The following PCDHA2 variants were observed in gnomAD, a reference collection of about 807,000 sequenced individuals.
PCDHA2 encodes the protein protocadherin alpha-2.
A neutral mutation model predicts 66.0 loss-of-function variants in PCDHA2; 58 were observed. That is an observed-to-expected ratio of 0.88 (90% CI 0.71 to 1.09). The LOEUF (loss-of-function observed/expected upper bound fraction) is 1.09. PCDHA2 is among the 50% of genes least tolerant of loss of function. PCDHA2 has a pLI of 0.00. For synonymous variants in PCDHA2, 634 were observed against 554.0 expected (o/e 1.14, Z -2.03); for missense variants, 1,267 against 1,242.3 (o/e 1.02, Z -0.30).
chr5:140,857,980 G>A (rs2045073152), intron 1 of PCDHA2: 1 of 1,597,100 alleles, frequency 6.3e-7, no homozygotes, highest in Non-Finnish European at 8.6e-7. Context: ...CGCCACGCCA[G>A]CGCCTACTGG....
At chr5:140,871,412 C>T (rs891491030) in intron 1 of PCDHA2, 2 of 1,613,976 alleles carry the variant, frequency 1.2e-6, no homozygotes, top group Non-Finnish European at 1.7e-6. Flanking sequence ...GACCTCATGG[C>T]CTTCAGCCCC....
chr5:140,892,012 G>A (rs1032416226), intron 1 of PCDHA2, among the ~76,000 whole-genome samples: 9 of 152,176 alleles, frequency 5.9e-5, no homozygotes, highest in Admixed American at 5.9e-4. Context: ...TGTTATAGCA[G>A]CACAAATGGT....
chr5:140,927,632 C>G (rs2084445013), intron 1 of PCDHA2: 2 of 1,614,142 alleles, frequency 1.2e-6, no homozygotes, highest in Non-Finnish European at 1.7e-6. Context: ...GAGACTGCAC[C>G]CAATGGGACT....
intron 1 of PCDHA2, among the ~76,000 whole-genome samples, chr5:140,961,451 T>C (rs1307588711): frequency 1.3e-5 from 2 of 152,238 alleles, no homozygotes; most frequent in Non-Finnish European, 2.9e-5. Context: ...TACACTGTCT[T>C]GCAGCTGCCT....
intron 1 of PCDHA2, among the ~76,000 whole-genome samples, chr5:140,879,556 A>G (rs2058036538): frequency 6.6e-6 from 1 of 152,240 alleles, no homozygotes; most frequent in South Asian, 2.1e-4. Context: ...AAAATAATCC[A>G]TGAAAGAATA....
intron 1 of PCDHA2, chr5:140,836,072 G>A (rs2150252005): frequency 6.2e-7 from 1 of 1,613,664 alleles, no homozygotes; most frequent in Non-Finnish European, 8.5e-7. Context: ...ACAACGCGCC[G>A]GCACTGCTGG....
At chr5:140,856,096 GCTT>G (rs782403061) in intron 1 of PCDHA2, 1 of 1,597,460 alleles carries the variant, frequency 6.3e-7, no homozygotes, top group South Asian at 1.1e-5. Flanking sequence ...TGCTGCTCTC[GCTT>G]CTTCTCCTCG....
chr5:140,971,123 G>A (rs1305525231), intron 1 of PCDHA2, among the ~76,000 whole-genome samples: 1 of 152,182 alleles, frequency 6.6e-6, no homozygotes, highest in Non-Finnish European at 1.5e-5. Context: ...GTGGGCTACA[G>A]GTGGTGAAGA....
chr5:140,926,917 TTA>T, intron 1 of PCDHA2: 3 of 1,565,668 alleles, frequency 1.9e-6, no homozygotes, highest in South Asian at 1.2e-5. Context: ...GGTGGCAGTT[TTA>T]TGTTTGTGGG....
rs140965227 is a variant in PCDHA2, at chr5:140,795,680, A to G, written c.716A>G (p.Glu239Gly). ...LIKVLDVNDN[E>G]PTFAQSVYKV... ...AAGGTATTAGATGTAAATGACAATGAACCAACTTTTGCCCAATCAGTTTAC... is the reference window on the plus strand; with the variant it reads ...AAGGTATTAGATGTAAATGACAATGGACCAACTTTTGCCCAATCAGTTTAC... Residue 239 changes from glutamate to glycine, a missense_variant, in exon 1 of 4, where the codon GAA (glutamate) becomes GGA (glycine). Glu to Gly is a moderately conservative substitution (Grantham distance 98). Transcript: ENST00000526136. The G allele has an allele frequency of 9.3e-6, 15 of 1,614,044 alleles. No individual in the cohort carries two copies. The highest frequency in any genetic ancestry group is 1.3e-5 in the Non-Finnish European group (15 of 1,180,022).
intron 1 of PCDHA2, chr5:140,866,746 G>A (rs1264233885): frequency 6.6e-6 from 1 of 152,118 alleles, no homozygotes; most frequent in Admixed American, 6.5e-5. Flanking sequence ...ATACTTATAT[G>A]ACTAACAGGA....
At chr5:140,977,097 G>T (rs988046010) in intron 1 of PCDHA2, among the ~76,000 whole-genome samples, 2 of 152,222 alleles carry the variant, frequency 1.3e-5, no homozygotes, top group African/African-American at 4.8e-5. Flanking sequence ...GTGTCATTGG[G>T]GAAGTGAGAT....
At chr5:140,829,112 T>A (rs2150162678) in intron 1 of PCDHA2, 31 of 1,612,052 alleles carry the variant, frequency 1.9e-5, no homozygotes, top group Non-Finnish European at 1.7e-6. Context: ...AGTGAGAATT[T>A]TGGATAAAAA....
intron 3 of PCDHA2, among the ~76,000 whole-genome samples, chr5:141,008,684 G>A (rs1426948038): frequency 2.0e-5 from 3 of 152,236 alleles, no homozygotes; most frequent in South Asian, 4.2e-4. Flanking sequence ...TTTAGTTATT[G>A]CATGTATTAA....
chr5:140,870,823 G>A (rs971082881), intron 1 of PCDHA2: 1 of 1,613,762 alleles, frequency 6.2e-7, no homozygotes, highest in Non-Finnish European at 8.5e-7. Flanking sequence ...CAGCGCGGGA[G>A]GCGCAGTTAA....
chr5:140,836,804 T>C, intron 1 of PCDHA2: 1 of 1,321,042 alleles, frequency 7.6e-7, no homozygotes, highest in East Asian at 2.4e-5. Flanking sequence ...CTCCTTAAAT[T>C]TTCTTTCATA....
intron 1 of PCDHA2, chr5:140,881,964 A>G (rs1297923565): frequency 8.1e-6 from 3 of 368,944 alleles, no homozygotes; most frequent in East Asian, 9.0e-5. Context: ...TTAATCTTCA[A>G]TTACATATTT....
chr5:140,821,069 T>C (rs2150108621), intron 1 of PCDHA2, among the ~76,000 whole-genome samples: 339 of 152,212 alleles, frequency 2.2e-3, no homozygotes, highest in Admixed American at 4.4e-3. Context: ...AAAATAGTTT[T>C]AGTTGTTTTT....
intron 1 of PCDHA2, among the ~76,000 whole-genome samples, chr5:140,845,170 T>C (rs1779731590): frequency 6.7e-6 from 1 of 149,622 alleles, no homozygotes; most frequent in Non-Finnish European, 1.5e-5. Context: ...ATTGTTTTCA[T>C]TTTAGTCCTT....
Sources: gnomAD v4.1 joint callset for allele counts (sites outside exome capture counted in the v4.1 genomes callset) on GRCh38, gnomAD v4.1.1 for gene constraint, MANE v1.5 for transcripts, NCBI Gene and HGNC (gene_info 2026-07-23, HGNC 2026-07-21) for gene names.